EFL1: variants seen among roughly 807,000 people sequenced by gnomAD.
The protein encoded by EFL1 is elongation factor-like GTPase 1.
Under a neutral mutation model 126.7 loss-of-function variants are expected in EFL1, and 76 were observed. The observed-to-expected ratio is 0.60, with a 90% CI of 0.50 to 0.73. EFL1 has a LOEUF of 0.73. Ranked by LOEUF, EFL1 falls within the 30% of genes least tolerant of loss-of-function variation. The probability of loss-of-function intolerance (pLI) is 0.00; values close to 1 mark genes in which losing one functional copy is unlikely to be tolerated. For missense variants in EFL1, 1,128 were observed against 1,343.2 expected, an observed-to-expected ratio of 0.84 and a Z score of 2.50; for synonymous variants, 410 against 448.4, an observed-to-expected ratio of 0.91 and a Z score of 1.08.
chr15:82,134,210 C>T (rs1449538004), intron 19 of EFL1, among the ~76,000 whole-genome samples: 1 of 152,150 alleles, frequency 6.6e-6, no homozygotes, highest in Non-Finnish European at 1.5e-5. Flanking sequence ...ACTCTGAGAA[C>T]AGGGGAGATG....
chr15:82,209,568 T>C (rs924747933), intron 15 of EFL1, among the ~76,000 whole-genome samples: 25 of 152,244 alleles, frequency 1.6e-4, no homozygotes, highest in African/African-American at 4.6e-4. Context: ...GGAATCCTAA[T>C]TCAATTTCCC....
At chr15:82,177,552 G>A (rs12442862) in intron 15 of EFL1, among the ~76,000 whole-genome samples, 10,163 of 152,150 alleles carry the variant, frequency 0.067, 497 homozygotes, top group African/African-American at 0.12. Context: ...TCTACCCTCT[G>A]GCTCCTGACA....
chr15:82,210,019 G>T (rs1027471516), intron 15 of EFL1, among the ~76,000 whole-genome samples: 3 of 152,074 alleles, frequency 2.0e-5, no homozygotes, highest in Non-Finnish European at 4.4e-5. Flanking sequence ...GATCATATTG[G>T]TCTCCACTAT....
chr15:82,252,669 G>A lies in EFL1; in HGVS notation c.244+22C>T, dbSNP rs368405759. On this transcript the variant is annotated intron_variant, in intron 4 of 19. Coordinates refer to ENST00000268206, the MANE Select transcript of EFL1 (RefSeq NM_024580.6). ...CATGAAAGATGCAAAGCTGTGTTTC[G>A]TTAAAACACAGACTGATTTACCTGT... 23 of 1,583,912 alleles carry A rather than the reference G, an allele frequency of 1.5e-5. 1 individual carries two copies. Among genetic ancestry groups the A allele is most frequent in the South Asian group, 3.3e-5 (3 of 90,280 alleles).
chr15:82,141,629 G>C (rs1333911779), intron 18 of EFL1, among the ~76,000 whole-genome samples: 1 of 149,780 alleles, frequency 6.7e-6, no homozygotes, highest in Admixed American at 6.7e-5. Context: ...AGCTGAGATC[G>C]TGCCACTGCA....
intron 15 of EFL1, among the ~76,000 whole-genome samples, chr15:82,178,127 G>A (rs995009645): frequency 6.6e-6 from 1 of 152,204 alleles, no homozygotes; most frequent in African/African-American, 2.4e-5. Context: ...AGATTTATCA[G>A]CAACAAACTA....
chr15:82,195,315 T>C (rs2074397649), intron 15 of EFL1, among the ~76,000 whole-genome samples: 2 of 152,230 alleles, frequency 1.3e-5, no homozygotes, highest in Admixed American at 1.3e-4. Flanking sequence ...AAGACTAATG[T>C]TCTGTTACCC....
chr15:82,170,106 CTTTTTTTTT>C (rs760955432), intron 15 of EFL1, among the ~76,000 whole-genome samples: 3 of 78,856 alleles, frequency 3.8e-5, no homozygotes, highest in African/African-American at 1.0e-4. Flanking sequence ...CACTGGATGT[CTTTTTTTTT>C]TTTTTTTTTT....
rs557284358 is a variant in EFL1 at position 82,262,649 on chromosome 15, T to C, written c.-55A>G. 1.5e-4 allele frequency: 70 copies of C among 481,032 alleles called. 1 individual carries two copies. In the East Asian group the frequency reaches 2.9e-3, roughly 20 times the overall value. The allele number at this position is 481,032 out of a possible 1,614,324, so 29.8% of individuals were successfully genotyped here. A position where few individuals can be genotyped will look rare whatever the true frequency, so the allele number is the denominator to read the frequency against. On this transcript the variant is annotated 5_prime_UTR_variant, in exon 1 of 20. Transcript: ENST00000268206. Reference sequence around the variant, plus strand: ...AGCCCCACCAGCCCCGCTCCTTCTCTCGGGTCGCACCCACACCGAGAGCTT... The same window carrying C: ...AGCCCCACCAGCCCCGCTCCTTCTCCCGGGTCGCACCCACACCGAGAGCTT...
At chr15:82,130,662 AAGTT>A in intron 19 of EFL1, 101 bp from the exon 20 acceptor site, 3 of 1,285,112 alleles carry the variant, frequency 2.3e-6, no homozygotes, top group South Asian at 1.5e-5. Flanking sequence ...TAATGAAAAA[AAGTT>A]AGGCAATGAA....
At chr15:82,133,389 C>T (rs1409477407) in intron 19 of EFL1, among the ~76,000 whole-genome samples, 1 of 152,176 alleles carries the variant, frequency 6.6e-6, no homozygotes, top group Non-Finnish European at 1.5e-5. Flanking sequence ...CCTGGCATAT[C>T]CTAGATTTGT....
intron 4 of EFL1, among the ~76,000 whole-genome samples, chr15:82,245,261 C>T (rs1243942729): frequency 2.0e-5 from 3 of 152,014 alleles, no homozygotes; most frequent in Non-Finnish European, 4.4e-5. Flanking sequence ...AAGCGATCCT[C>T]CTGCCTCAGC....
chr15:82,244,183 G>A (rs1473679187), intron 4 of EFL1, among the ~76,000 whole-genome samples: 1 of 152,064 alleles, frequency 6.6e-6, no homozygotes, highest in Non-Finnish European at 1.5e-5. Flanking sequence ...AAAGGTTGGG[G>A]ACAGAAGTCC....
At chr15:82,191,450 G>T (rs2074358429) in intron 15 of EFL1, among the ~76,000 whole-genome samples, 1 of 152,078 alleles carries the variant, frequency 6.6e-6, no homozygotes. Context: ...AGACTGCACG[G>T]ATCAAATACT....
intron 19 of EFL1, 27 bp downstream of exon 19, chr15:82,138,631 G>A (rs763967001): frequency 1.2e-6 from 2 of 1,608,674 alleles, no homozygotes; most frequent in South Asian, 2.2e-5. Context: ...TGAGAAGGAA[G>A]GAATGAATGG....
Position 82,132,944 on chromosome 15 carries a change from G to A in EFL1, c.3175-2383C>T, listed in dbSNP as rs571372546. Among the ~76,000 whole-genome samples the A allele has an allele frequency of 2.0e-4, 31 of 152,120 alleles. 2 individuals are homozygous for A. The South Asian group carries it at 4.2e-3, about 20-fold the overall frequency. ...ATTCACCAGCAAACAATGTCAACAC[G>A]ATACCAGTAGGGCTGAGTCAGTATG... On this transcript the variant is annotated intron_variant, in intron 19 of 19. Transcript: ENST00000268206.
chr15:82,133,574 T>C (rs940941771), intron 19 of EFL1, among the ~76,000 whole-genome samples: 2 of 152,196 alleles, frequency 1.3e-5, no homozygotes, highest in East Asian at 1.9e-4. Context: ...GATGTTAACA[T>C]TGGGGAAGGA....
At chr15:82,245,636 A>G (rs756088421) in intron 4 of EFL1, among the ~76,000 whole-genome samples, 6 of 152,084 alleles carry the variant, frequency 3.9e-5, no homozygotes, top group Non-Finnish European at 8.8e-5. Flanking sequence ...TGACTCTGAT[A>G]GTATGTGTCA....
chr15:82,180,814 C>T (rs2074244559), intron 15 of EFL1, among the ~76,000 whole-genome samples: 2 of 151,884 alleles, frequency 1.3e-5, no homozygotes, highest in Admixed American at 6.6e-5. Context: ...GCAGCCCCTA[C>T]CTTCCCAGGC....
Sources: allele counts gnomAD v4.1 joint callset (sites outside exome capture counted in the v4.1 genomes callset), GRCh38; gene constraint gnomAD v4.1.1; transcripts MANE v1.5; gene names NCBI Gene and HGNC (gene_info 2026-07-23, HGNC 2026-07-21).